Variants in CLYBL observed in about 807,000 individuals in gnomAD.
CLYBL encodes the protein citramalyl-CoA lyase, mitochondrial.
In CLYBL, 31 loss-of-function variants were observed where a neutral mutation model predicts 38.9. That is an observed-to-expected ratio of 0.80 (90% confidence interval 0.60 to 1.08). The LOEUF is 1.08. CLYBL is among the 50% of genes least tolerant of loss of function. The probability of loss-of-function intolerance (pLI) is 0.00; values close to 1 mark genes in which losing one functional copy is unlikely to be tolerated. For synonymous variants in CLYBL, 171 were observed against 158.6 expected (o/e 1.08, Z -0.59); for missense variants, 434 against 411.6 (o/e 1.05, Z -0.47).
intron 2 of CLYBL, among the ~76,000 whole-genome samples, chr13:99,830,763 T>G (rs1306567032): frequency 6.6e-6 from 1 of 152,214 alleles, no homozygotes; most frequent in African/African-American, 2.4e-5. Context: ...AATAACTCTT[T>G]TAAAGAAGTG....
chr13:99,850,774 A>G (rs1486558051), intron 2 of CLYBL, among the ~76,000 whole-genome samples: 1 of 152,256 alleles, frequency 6.6e-6, no homozygotes, highest in Non-Finnish European at 1.5e-5. Flanking sequence ...AAACAATCCA[A>G]ATGTCTACCA....
chr13:99,724,279 A>T (rs756755814), intron 1 of CLYBL, among the ~76,000 whole-genome samples: 4 of 152,220 alleles, frequency 2.6e-5, no homozygotes, highest in Non-Finnish European at 4.4e-5. Flanking sequence ...AAAATACTAC[A>T]TTTAGGCTCA....
At chr13:99,767,414 G>A (rs546826491) in intron 1 of CLYBL, among the ~76,000 whole-genome samples, 1 of 152,316 alleles carries the variant, frequency 6.6e-6, no homozygotes, top group South Asian at 2.1e-4. Context: ...TGATTTTAGT[G>A]TGTCTAGATG....
chr13:99,617,491 AAAAAC>A (rs2046729715), intron 1 of CLYBL, among the ~76,000 whole-genome samples: 2 of 152,198 alleles, frequency 1.3e-5, no homozygotes, highest in South Asian at 4.1e-4. Context: ...TTCTGTGGCC[AAAAAC>A]AAAAGTTTAG....
intron 7 of CLYBL, among the ~76,000 whole-genome samples, chr13:99,883,544 C>A (rs2052271863): frequency 6.6e-6 from 1 of 151,568 alleles, no homozygotes; most frequent in South Asian, 2.1e-4. Flanking sequence ...ATAGCAGAAC[C>A]AATATTTTAA....
At chr13:99,745,852 T>C (rs1176265313) in intron 1 of CLYBL, among the ~76,000 whole-genome samples, 1 of 149,064 alleles carries the variant, frequency 6.7e-6, no homozygotes, top group Non-Finnish European at 1.5e-5. Context: ...CCCAAAAATG[T>C]ACAAATCAGA....
At chr13:99,817,669 AAAAAG>A (rs1449015053) in intron 2 of CLYBL, among the ~76,000 whole-genome samples, 32 of 147,848 alleles carry the variant, frequency 2.2e-4, no homozygotes, top group East Asian at 1.4e-3. Context: ...AAAAAAAAAA[AAAAAG>A]AAAAGAAAAA....
At chr13:99,729,622 C>T (rs1053892730) in intron 1 of CLYBL, among the ~76,000 whole-genome samples, 1 of 152,106 alleles carries the variant, frequency 6.6e-6, no homozygotes, top group Non-Finnish European at 1.5e-5. Flanking sequence ...GAAAGCGCAG[C>T]CAGCCATCGG....
chr13:99,840,750 CA>C (rs59274056), intron 2 of CLYBL, among the ~76,000 whole-genome samples: 448 of 16,796 alleles, frequency 0.027, 1 homozygote, highest in African/African-American at 0.093. Context: ...ACCCTTGTCT[CA>C]AAAAAAAAAA....
At chr13:99,697,222 A>C (rs1310865057) in intron 1 of CLYBL, among the ~76,000 whole-genome samples, 1 of 152,196 alleles carries the variant, frequency 6.6e-6, no homozygotes, top group East Asian at 1.9e-4. Flanking sequence ...TTGGAAGGGT[A>C]ATTGTAAAGG....
intron 2 of CLYBL, among the ~76,000 whole-genome samples, chr13:99,847,215 C>T (rs142636279): frequency 2.6e-5 from 4 of 152,228 alleles, no homozygotes; most frequent in African/African-American, 4.8e-5. Context: ...CTTGATTTAC[C>T]GTTAAAAAGA....
At chr13:99,743,416 TC>T (rs1379768140) in intron 1 of CLYBL, among the ~76,000 whole-genome samples, 2 of 152,154 alleles carry the variant, frequency 1.3e-5, no homozygotes, top group Non-Finnish European at 2.9e-5. Flanking sequence ...ACAAACATTA[TC>T]CCCAGAGGTA....
chr13:99,872,250 T>C lies in CLYBL; in HGVS notation c.927+1188T>C, dbSNP rs564006696. 2.6e-5 allele frequency among the ~76,000 whole-genome samples: 4 copies of C among 152,320 alleles called. No individual in the cohort carries two copies. The South Asian group carries it at 8.3e-4, about 32-fold the overall frequency. On this transcript the variant is annotated intron_variant, in intron 7 of 8. Coordinates refer to ENST00000339105, the MANE Select transcript of CLYBL (RefSeq NM_206808.5). ...TCACACTTAATCTCCAAAGGCAGAA[T>C]ATATTACGTTGGAAATACCCAATTT...
At chr13:99,862,236 C>T (rs1022785352) in intron 3 of CLYBL, among the ~76,000 whole-genome samples, 3 of 152,118 alleles carry the variant, frequency 2.0e-5, no homozygotes, top group African/African-American at 7.2e-5. Flanking sequence ...CTATCTATCT[C>T]CCCACATCTT....
intron 2 of CLYBL, among the ~76,000 whole-genome samples, chr13:99,805,584 T>C (rs2138961441): frequency 6.6e-6 from 1 of 151,162 alleles, no homozygotes; most frequent in Admixed American, 6.6e-5. Flanking sequence ...AAGGAGGGGG[T>C]GGGGGAGGGG....
chr13:99,681,702 T>G (rs935269768), intron 1 of CLYBL, among the ~76,000 whole-genome samples: 3 of 152,198 alleles, frequency 2.0e-5, no homozygotes, highest in Non-Finnish European at 4.4e-5. Context: ...TTCTCCTGCC[T>G]CAGCCTCCTG....
At chr13:99,866,969 C>T (rs1037219498) in intron 6 of CLYBL, among the ~76,000 whole-genome samples, 5 of 152,104 alleles carry the variant, frequency 3.3e-5, no homozygotes, top group South Asian at 2.1e-4. Context: ...CTAGGATCAG[C>T]GGGTCCCTTG....
intron 2 of CLYBL, among the ~76,000 whole-genome samples, chr13:99,848,831 C>T (rs996283910): frequency 4.6e-5 from 7 of 152,134 alleles, no homozygotes; most frequent in African/African-American, 9.6e-5. Flanking sequence ...CTGAGCATGG[C>T]GGTGGTTAAT....
At chr13:99,886,668 C>A (rs1278125633) in intron 7 of CLYBL, among the ~76,000 whole-genome samples, 2 of 152,268 alleles carry the variant, frequency 1.3e-5, no homozygotes, top group Admixed American at 1.3e-4. Flanking sequence ...AGATGCCTGG[C>A]ATTGCTCTAG....
Sources: allele counts gnomAD v4.1 joint callset (sites outside exome capture counted in the v4.1 genomes callset), GRCh38; gene constraint gnomAD v4.1.1; transcripts MANE v1.5; gene names NCBI Gene and HGNC (gene_info 2026-07-23, HGNC 2026-07-21).